Variants in CRISPLD2 observed in about 807,000 individuals in gnomAD.
The protein encoded by CRISPLD2 is cysteine rich secretory protein LCCL domain containing 2.
CRISPLD2 carries 47 observed loss-of-function variants against 71.1 expected under a neutral mutation model. That is an observed-to-expected ratio of 0.66 (90% CI 0.52 to 0.84). CRISPLD2 has a LOEUF of 0.84. CRISPLD2 is among the 40% of genes least tolerant of loss of function. CRISPLD2 has a pLI of 0.00. For synonymous variants in CRISPLD2, 317 were observed against 250.1 expected (o/e 1.27, Z -2.52); for missense variants, 830 against 651.1 (o/e 1.27, Z -2.99).
chr16:84,833,607 G>T (rs1916540869), intron 1 of CRISPLD2, among the ~76,000 whole-genome samples: 1 of 152,184 alleles, frequency 6.6e-6, no homozygotes, highest in South Asian at 2.1e-4. Context: ...CAAAGCGTGA[G>T]CTCTTCCAGG....
chr16:84,898,374 C>A (rs763595847), intron 14 of CRISPLD2, among the ~76,000 whole-genome samples: 2 of 152,318 alleles, frequency 1.3e-5, no homozygotes, highest in African/African-American at 4.8e-5. Context: ...CCCGCTCCCC[C>A]ACCCTCTCTG....
intron 6 of CRISPLD2, among the ~76,000 whole-genome samples, chr16:84,861,625 T>C (rs1023582395): frequency 6.6e-6 from 1 of 152,148 alleles, no homozygotes; most frequent in Non-Finnish European, 1.5e-5. Flanking sequence ...TAATCTCCTT[T>C]GGCAGCACCT....
At chr16:84,848,311 G>A (rs772552843) in intron 3 of CRISPLD2, among the ~76,000 whole-genome samples, 21 of 152,214 alleles carry the variant, frequency 1.4e-4, no homozygotes, top group African/African-American at 3.4e-4. Flanking sequence ...ATTGTTACAA[G>A]ACCTCTAACT....
In CRISPLD2 at chr16:84,905,220, T is replaced by C. The variant is rs1215317930; in HGVS notation, c.1440-1368T>C. Among the ~76,000 whole-genome samples the C allele has an allele frequency of 3.1e-4, 47 of 152,144 alleles. 1 individual carries two copies. Among genetic ancestry groups the C allele is most frequent in the Admixed American group, 3.1e-3 (47 of 15,264 alleles). On this transcript the variant is annotated intron_variant, in intron 14 of 14. Transcript: ENST00000262424. ...AGGTCAAGGCTGAAGTAAGCCACGA[T>C]CATGCCACTGCACTCTGGCCTTGGT...
chr16:84,853,345 C>T (rs192363339), intron 5 of CRISPLD2, among the ~76,000 whole-genome samples: 173 of 152,254 alleles, frequency 1.1e-3, no homozygotes, highest in Non-Finnish European at 7.6e-4. Context: ...GGAGTCATCC[C>T]GAAGACCCCC....
At chr16:84,890,327 C>T (rs2071650411) in intron 14 of CRISPLD2, among the ~76,000 whole-genome samples, 1 of 145,476 alleles carries the variant, frequency 6.9e-6, no homozygotes, top group Non-Finnish European at 1.5e-5. Context: ...CCACCGCACT[C>T]CAGCCTGGGC....
At chr16:84,855,572 T>G (rs1386483895) in intron 6 of CRISPLD2, among the ~76,000 whole-genome samples, 1 of 152,230 alleles carries the variant, frequency 6.6e-6, no homozygotes, top group Non-Finnish European at 1.5e-5. Flanking sequence ...CGGGTGGGTC[T>G]GCCTCTCCCA....
chr16:84,838,272 G>T, intron 1 of CRISPLD2, 150 bp from the exon 2 acceptor site: 1 of 582,248 alleles, frequency 1.7e-6, no homozygotes, highest in Non-Finnish European at 3.0e-6. Context: ...CTTCCTGTCT[G>T]TGGGACCTTG....
chr16:84,850,424 C>G (rs1043118024), intron 4 of CRISPLD2, 144 bp from the exon 5 acceptor site: 2 of 646,616 alleles, frequency 3.1e-6, no homozygotes, highest in Non-Finnish European at 5.5e-6. Flanking sequence ...TATGTATCTT[C>G]AATGGGTTAG....
chr16:84,852,865 A>G (rs1917128239), intron 5 of CRISPLD2, among the ~76,000 whole-genome samples: 1 of 152,172 alleles, frequency 6.6e-6, no homozygotes, highest in Non-Finnish European at 1.5e-5. Flanking sequence ...CCAGGAGTTC[A>G]AGACCAGCCT....
At chr16:84,855,955 A>G (rs963613858) in intron 6 of CRISPLD2, among the ~76,000 whole-genome samples, 3 of 152,254 alleles carry the variant, frequency 2.0e-5, no homozygotes, top group African/African-American at 7.2e-5. Flanking sequence ...GTACAAGTGT[A>G]TACATGCACA....
In CRISPLD2 at chr16:84,909,012, C is replaced by T. The variant is rs1039282367; in HGVS notation, c.*2370C>T. On this transcript the variant is annotated 3_prime_UTR_variant, in exon 15 of 15. Coordinates refer to ENST00000262424, the MANE Select transcript of CRISPLD2 (RefSeq NM_031476.4). ...CCATGGACCTGGCTGTCTTTATCAT[C>T]CCCACAAACATTTTGAAACTGGAAT... is the stretch of plus-strand genomic sequence containing the variant. 6.6e-6 allele frequency: 1 copy of T among 152,102 alleles called. No homozygotes were observed. The highest frequency in any genetic ancestry group is 1.5e-5 in the Non-Finnish European group (1 of 68,022). 9.4% of individuals were successfully genotyped at this position (152,102 alleles called of 1,614,324 possible). A position where few individuals can be genotyped will look rare whatever the true frequency, so the allele number is the denominator to read the frequency against.
Position 84,850,616 on chromosome 16 carries a change from C to G in CRISPLD2, c.541C>G (p.Arg181Gly), listed in dbSNP as rs1221014824. ...NKIGCAVNTC[R>G]KMTVWGEVWE... The stretch of plus-strand genomic sequence containing the variant: ...GATCGGTTGTGCTGTGAACACCTGC[C>G]GGAAGATGACTGTCTGGGGAGAAGT... Residue 181 changes from arginine to glycine, a missense_variant, in exon 5 of 15, where the codon CGG becomes GGG. By Grantham distance (125) the Arg-to-Gly change is moderately radical (BLOSUM62 -2). Coordinates refer to ENST00000262424, the MANE Select transcript of CRISPLD2 (RefSeq NM_031476.4). 6.2e-7 allele frequency: 1 copy of G among 1,614,084 alleles called. No homozygotes were observed. Among genetic ancestry groups the G allele is most frequent in the Admixed American group, 1.7e-5 (1 of 60,008 alleles).
At chr16:84,905,254 T>G (rs2071790938) in intron 14 of CRISPLD2, among the ~76,000 whole-genome samples, 1 of 152,190 alleles carries the variant, frequency 6.6e-6, no homozygotes, top group African/African-American at 2.4e-5. Flanking sequence ...GTGACAGACC[T>G]TGTGTCTAAA....
chr16:84,830,897 TGACTTCA>T (rs1479096594), intron 1 of CRISPLD2, among the ~76,000 whole-genome samples: 2 of 152,200 alleles, frequency 1.3e-5, no homozygotes, highest in Non-Finnish European at 2.9e-5. Context: ...CCATGCTCGG[TGACTTCA>T]CACTGGTTGC....
intron 4 of CRISPLD2, 126 bp from the exon 5 acceptor site, chr16:84,850,442 T>C (rs750331917): frequency 2.8e-6 from 2 of 727,008 alleles, no homozygotes; most frequent in East Asian, 2.5e-5. Flanking sequence ...TAGGGACTAA[T>C]ATCTGCTTCC....
chr16:84,850,723 G>A, intron 5 of CRISPLD2, 40 bp downstream of exon 5: 1 of 1,535,624 alleles, frequency 6.5e-7, no homozygotes, highest in Non-Finnish European at 9.0e-7. Context: ...TGGGGGTTGG[G>A]ATGTGTTTGC....
At position 84,820,123 on chromosome 16, in the gene CRISPLD2, G is replaced by A. The variant is rs1256120603; in HGVS notation, c.-85G>A. ...AGACGCCAGCGAGCTGGTGATTGGAGCCCTGCGGAGGTAAGTGTGATTTCC... is the reference window on the plus strand; with the variant it reads ...AGACGCCAGCGAGCTGGTGATTGGAACCCTGCGGAGGTAAGTGTGATTTCC... On this transcript the variant is annotated 5_prime_UTR_variant, in exon 1 of 15. Transcript: ENST00000262424. The A allele has an allele frequency of 6.6e-6, 1 of 152,286 alleles. No homozygotes were observed. Among genetic ancestry groups the A allele is most frequent in the Non-Finnish European group, 1.5e-5 (1 of 68,068 alleles). 9.4% of individuals were successfully genotyped at this position (152,286 alleles called of 1,614,324 possible). A position where few individuals can be genotyped will look rare whatever the true frequency, so the allele number is the denominator to read the frequency against.
At chr16:84,849,132 G>A in intron 3 of CRISPLD2, 1 of 488,742 alleles carries the variant, frequency 2.0e-6, no homozygotes. Context: ...CCTGTACCAG[G>A]TGCTGCTGGA....
Sources: gnomAD v4.1 joint callset for allele counts (sites outside exome capture counted in the v4.1 genomes callset) on GRCh38, gnomAD v4.1.1 for gene constraint, MANE v1.5 for transcripts, NCBI Gene and HGNC (gene_info 2026-07-23, HGNC 2026-07-21) for gene names.